The following OPCML variants were observed in gnomAD, a reference collection of about 807,000 sequenced individuals.
OPCML encodes the protein opioid binding protein/cell adhesion molecule like.
In OPCML, 13 loss-of-function variants were observed where a neutral mutation model predicts 37.8. That is an observed-to-expected ratio of 0.34 (90% CI 0.22 to 0.55). OPCML has a LOEUF of 0.55. Ranked by LOEUF, OPCML falls within the 20% of genes least tolerant of loss-of-function variation. OPCML has a pLI of 0.91. For synonymous variants in OPCML, 176 were observed against 168.8 expected (o/e 1.04, Z -0.33); for missense variants, 341 against 435.6 (o/e 0.78, Z 1.93).
intron 1 of OPCML, among the ~76,000 whole-genome samples, chr11:133,108,410 G>A (rs1302766062): frequency 1.3e-5 from 2 of 152,090 alleles, no homozygotes; most frequent in African/African-American, 4.8e-5. Flanking sequence ...CATACCTAAC[G>A]CAAATTTAAT....
At chr11:132,702,301 T>A (rs1943858263) in intron 2 of OPCML, among the ~76,000 whole-genome samples, 1 of 152,194 alleles carries the variant, frequency 6.6e-6, no homozygotes, top group South Asian at 2.1e-4. Context: ...TCTCCTTCAT[T>A]TCTGAAAGAC....
At chr11:132,665,516 A>C (rs1462034202) in intron 2 of OPCML, among the ~76,000 whole-genome samples, 2 of 152,208 alleles carry the variant, frequency 1.3e-5, no homozygotes, top group Non-Finnish European at 2.9e-5. Flanking sequence ...TGGCTCCACA[A>C]AGAGGCAGAA....
At chr11:133,526,157 C>T (rs904376834) in intron 1 of OPCML, among the ~76,000 whole-genome samples, 3 of 152,126 alleles carry the variant, frequency 2.0e-5, no homozygotes, top group Non-Finnish European at 4.4e-5. Context: ...GGCTCTGGGG[C>T]GCAGAGGCGA....
In OPCML at chr11:133,015,288, G is replaced by A. The variant is rs142727813; in HGVS notation, c.62-72278C>T. ...TTTTGGCTTCTGTGTTGGGTAGAGT[G>A]TTAGAAAGTATGCGTTGTATTATGA... On this transcript the variant is annotated intron_variant, in intron 1 of 7. Coordinates refer to ENST00000524381, the MANE Select transcript of OPCML (RefSeq NM_001012393.5). Among the ~76,000 whole-genome samples the A allele has an allele frequency of 5.9e-4, 86 of 145,706 alleles. No individual in the cohort carries two copies. The East Asian group carries it at 8.8e-3, about 15-fold the overall frequency.
At chr11:133,217,416 T>G (rs997099680) in intron 1 of OPCML, among the ~76,000 whole-genome samples, 2 of 152,168 alleles carry the variant, frequency 1.3e-5, no homozygotes, top group African/African-American at 4.8e-5. Context: ...CTTCTGGTCT[T>G]AGGTTTTCAC....
chr11:132,692,495 G>A (rs907400550), intron 2 of OPCML, among the ~76,000 whole-genome samples: 2 of 152,160 alleles, frequency 1.3e-5, no homozygotes, highest in African/African-American at 4.8e-5. Context: ...TCCATATTCA[G>A]TCTTAGATCC....
intron 1 of OPCML, among the ~76,000 whole-genome samples, chr11:133,034,133 A>T (rs1947724693): frequency 6.6e-6 from 1 of 152,124 alleles, no homozygotes; most frequent in African/African-American, 2.4e-5. Context: ...GGCTGAGGGG[A>T]TGCTCCTATA....
chr11:133,472,790 T>C (rs1947147430), intron 1 of OPCML, among the ~76,000 whole-genome samples: 1 of 151,860 alleles, frequency 6.6e-6, no homozygotes, highest in African/African-American at 2.4e-5. Context: ...TAGCTGAAAA[T>C]ATCTATGAAC....
At chr11:132,463,935 G>C (rs1031919369) in intron 4 of OPCML, among the ~76,000 whole-genome samples, 1 of 152,230 alleles carries the variant, frequency 6.6e-6, no homozygotes, top group Non-Finnish European at 1.5e-5. Flanking sequence ...TCTTGGGCAA[G>C]TAATTAACTG....
At chr11:133,217,246 T>C (rs1243981192) in intron 1 of OPCML, among the ~76,000 whole-genome samples, 4 of 152,208 alleles carry the variant, frequency 2.6e-5, no homozygotes, top group Admixed American at 2.6e-4. Flanking sequence ...CCTGGTCTGA[T>C]GCTCCAGTGC....
intron 2 of OPCML, among the ~76,000 whole-genome samples, chr11:132,683,828 G>A (rs139248965): frequency 1.3e-4 from 20 of 152,270 alleles, no homozygotes; most frequent in Admixed American, 3.3e-4. Context: ...CCTTGGGAAA[G>A]TGGCTCTGAG....
At chr11:133,171,643 A>G (rs961765275) in intron 1 of OPCML, among the ~76,000 whole-genome samples, 16 of 152,258 alleles carry the variant, frequency 1.1e-4, no homozygotes, top group African/African-American at 3.9e-4. Flanking sequence ...AGAATTTCAC[A>G]GTCAAGCTCT....
At chr11:133,228,897 C>A (rs1940156629) in intron 1 of OPCML, among the ~76,000 whole-genome samples, 1 of 152,214 alleles carries the variant, frequency 6.6e-6, no homozygotes, top group African/African-American at 2.4e-5. Flanking sequence ...ATTTCTGAAG[C>A]CAAACCTCAG....
At chr11:132,485,938 G>A (rs1250315295) in intron 4 of OPCML, among the ~76,000 whole-genome samples, 1 of 152,184 alleles carries the variant, frequency 6.6e-6, no homozygotes, top group African/African-American at 2.4e-5. Context: ...CAGTATAGGT[G>A]TGTGGCTAGC....
At chr11:132,597,614 T>A (rs2096494434) in intron 3 of OPCML, among the ~76,000 whole-genome samples, 2 of 152,174 alleles carry the variant, frequency 1.3e-5, no homozygotes, top group African/African-American at 4.8e-5. Flanking sequence ...TAACACGAGG[T>A]CTGAAAAGCA....
At chr11:133,255,470 A>G (rs1271802682) in intron 1 of OPCML, among the ~76,000 whole-genome samples, 2 of 152,206 alleles carry the variant, frequency 1.3e-5, no homozygotes, top group Non-Finnish European at 2.9e-5. Flanking sequence ...GAAGATAAGC[A>G]TGTCTGACTA....
At chr11:133,496,626 G>T (rs1279444072) in intron 1 of OPCML, among the ~76,000 whole-genome samples, 3 of 152,020 alleles carry the variant, frequency 2.0e-5, no homozygotes, top group Non-Finnish European at 2.9e-5. Context: ...TCTTTTGTTA[G>T]GTATATTCCT....
At chr11:132,766,065 T>C (rs185652491) in intron 2 of OPCML, among the ~76,000 whole-genome samples, 3 of 150,300 alleles carry the variant, frequency 2.0e-5, no homozygotes, top group East Asian at 4.0e-4. Flanking sequence ...ATCTGTTGAA[T>C]AGAATAAAAT....
At chr11:133,344,220 T>A (rs1316154751) in intron 1 of OPCML, among the ~76,000 whole-genome samples, 1 of 152,204 alleles carries the variant, frequency 6.6e-6, no homozygotes, top group African/African-American at 2.4e-5. Flanking sequence ...GGACACGATC[T>A]GGCCGCCCCA....
Sources: gnomAD v4.1 joint callset for allele counts (sites outside exome capture counted in the v4.1 genomes callset) on GRCh38, gnomAD v4.1.1 for gene constraint, MANE v1.5 for transcripts, NCBI Gene and HGNC (gene_info 2026-07-23, HGNC 2026-07-21) for gene names.